The following DOC2A variants were observed in gnomAD, a reference collection of about 807,000 sequenced individuals.
DOC2A encodes the protein double C2-like domain-containing protein alpha.
In DOC2A, 28 loss-of-function variants were observed where a neutral mutation model predicts 40.6. That is an observed-to-expected ratio of 0.69 (90% CI 0.51 to 0.95). DOC2A has a LOEUF of 0.95. Among genes scored for constraint, DOC2A ranks in the 40% least tolerant of loss-of-function variants. The probability of loss-of-function intolerance (pLI) is 0.00; values close to 1 mark genes in which losing one functional copy is unlikely to be tolerated. For synonymous variants in DOC2A, 241 were observed against 236.9 expected (o/e 1.02, Z -0.16); for missense variants, 474 against 552.5 (o/e 0.86, Z 1.42).
In DOC2A at chr16:30,009,390, A is replaced by C; in HGVS notation, c.342+88T>G. On this transcript the variant is annotated intron_variant, in intron 3 of 10. Coordinates refer to ENST00000350119, the MANE Select transcript of DOC2A (RefSeq NM_003586.3). The surrounding 1 kb of genome is among the most constrained non-coding windows in gnomAD (Gnocchi z 4.1). ...GGAGGGGGCAAGGGCAGGACGAAGG[A>C]GCAGGCCTGGGAAGGGAAGGAGGAA... The C allele has an allele frequency of 5.4e-6, 8 of 1,479,172 alleles. No individual in the cohort carries two copies. Among genetic ancestry groups the C allele is most frequent in the Admixed American group, 2.0e-5 (1 of 50,902 alleles). The allele number at this position is 1,479,172 out of a possible 1,614,324, so 91.6% of individuals were successfully genotyped here.
At chr16:30,012,165 G>C (rs1372226466), upstream of DOC2A, 1 of 152,356 alleles carries the variant, frequency 6.6e-6, no homozygotes, top group Non-Finnish European at 1.5e-5. Context: ...CACCTAGACG[G>C]CTCAGGCCTA....
At position 30,009,820 on chromosome 16, in the gene DOC2A, G is replaced by C; in HGVS notation, c.262+141C>G. 9.8e-7 allele frequency: 1 copy of C among 1,023,148 alleles called. No individual in the cohort carries two copies. The highest frequency in any genetic ancestry group is 1.5e-6 in the Non-Finnish European group (1 of 669,582). The allele number at this position is 1,023,148 out of a possible 1,614,324, so 63.4% of individuals were successfully genotyped here. The stretch of plus-strand genomic sequence containing the variant: ...TAATCTCCACGCTGACTGCAGCTGT[G>C]GTGGCCGTCCCTGCCACCCCCCCAC... On this transcript the variant is annotated intron_variant, in intron 2 of 10. Transcript: ENST00000350119. This position sits in a 1 kb window ranked among gnomAD's most constrained non-coding sequence, Gnocchi z 4.1.
chr16:30,014,588 T>C (rs1438279763), upstream of DOC2A, among the ~76,000 whole-genome samples: 5 of 150,802 alleles, frequency 3.3e-5, no homozygotes, highest in African/African-American at 1.2e-4. Context: ...TGAGCCGAGA[T>C]TGCGCCACTG....
At chr16:30,023,148 T>G (rs4788212), upstream of DOC2A, 221,500 of 488,024 alleles carry the variant, frequency 0.45, 50,536 homozygotes, top group African/African-American at 0.48. Flanking sequence ...GCTGCCACCA[T>G]TATGGTTTTA....
upstream of DOC2A, among the ~76,000 whole-genome samples, chr16:30,016,373 G>A (rs12444108): frequency 0.39 from 58,676 of 151,858 alleles, 11,382 homozygotes; most frequent in South Asian, 0.43. Context: ...AAAGGCAACC[G>A]TTAGGTTTCC....
chr16:30,011,861 C>G (rs1454878023), upstream of DOC2A: 1 of 152,502 alleles, frequency 6.6e-6, no homozygotes, highest in Admixed American at 6.5e-5. Context: ...CCACCCTCCC[C>G]CCTGCCATCC....
At chr16:30,018,789 C>G (rs1259658454) in intron 1 of DOC2A, 1 of 152,168 alleles carries the variant, frequency 6.6e-6, no homozygotes, top group Non-Finnish European at 1.5e-5. Context: ...ATGAGATCAC[C>G]TAGGCAGAGA....
Position 30,006,463 on chromosome 16 carries a change from AG to A in DOC2A, c.1006del (p.Leu336TrpfsTer51). On this transcript the variant is annotated frameshift_variant, in exon 10 of 11. Coordinates refer to ENST00000350119, the MANE Select transcript of DOC2A (RefSeq NM_003586.3). LOFTEE classifies it high-confidence loss of function. This position sits in a 1 kb window ranked among gnomAD's most constrained non-coding sequence, Gnocchi z 6.2. ...GTCATAGTCCCAGACGGTGACTTCC[AG>A]GGTCTTGGTGGCCAGAGTGGAGAGC... ...IELSTLATKT[L>X]EVTVWDYDIG... The A allele has an allele frequency of 6.2e-7, 1 of 1,613,426 alleles. No individual in the cohort carries two copies. Among genetic ancestry groups the A allele is most frequent in the Non-Finnish European group, 8.5e-7 (1 of 1,179,836 alleles).
upstream of DOC2A, among the ~76,000 whole-genome samples, chr16:30,013,775 T>G (rs1372317208): frequency 6.6e-6 from 1 of 151,060 alleles, no homozygotes; most frequent in Non-Finnish European, 1.5e-5. Flanking sequence ...AGTGCAATGG[T>G]GCGATCTTGG....
Position 30,007,289 on chromosome 16 carries a change from AG to A in DOC2A, c.537del (p.Cys180ValfsTer6), listed in dbSNP as rs1280200672. On this transcript the variant is annotated frameshift_variant, in exon 6 of 11. Transcript: ENST00000350119. LOFTEE classifies it high-confidence loss of function. Reference sequence around the variant, plus strand: ...TTGTGACTCAGCTTGTCCTCATCACAGACGGCGATCCTGGTCGGGAACTGCA... The same window carrying A: ...TTGTGACTCAGCTTGTCCTCATCACAACGGCGATCCTGGTCGGGAACTGCA... ...DITHKVLRIA[V>X]CDEDKLSHNE... 1 of 1,613,776 alleles carries A rather than the reference AG, an allele frequency of 6.2e-7. No individual in the cohort carries two copies.
upstream of DOC2A, among the ~76,000 whole-genome samples, chr16:30,022,387 C>A (rs1218415846): frequency 6.6e-6 from 1 of 150,660 alleles, no homozygotes; most frequent in African/African-American, 2.4e-5. Context: ...ATAAATGCTA[C>A]CTGCTGGGCA....
chr16:30,006,696 G>C lies in DOC2A; in HGVS notation c.879-19C>G. ...CAGGTACCTGGGGGTGGGGTGGAGG[G>C]AGACGAACTGAGGGGTGAGGGACAG... On this transcript the variant is annotated intron_variant, in intron 8 of 10. Transcript: ENST00000350119. This position sits in a 1 kb window ranked among gnomAD's most constrained non-coding sequence, Gnocchi z 6.2. 6.2e-7 allele frequency: 1 copy of C among 1,613,728 alleles called. No homozygotes were observed. The highest frequency in any genetic ancestry group is 2.2e-5 in the East Asian group (1 of 44,814).
intron 1 of DOC2A, among the ~76,000 whole-genome samples, chr16:30,019,823 C>T (rs529613402): frequency 6.6e-6 from 1 of 152,276 alleles, no homozygotes; most frequent in Non-Finnish European, 1.5e-5. Context: ...CAACCTCCAC[C>T]TACCGGGCTC....
At chr16:30,011,216 C>T (rs2150958657), upstream of DOC2A, 4 of 718,646 alleles carry the variant, frequency 5.6e-6, no homozygotes, top group Non-Finnish European at 6.8e-6. Flanking sequence ...GCACGCGGAC[C>T]GGCACACACT....
At chr16:30,015,130 A>T (rs1034208238), upstream of DOC2A, 3 of 152,048 alleles carry the variant, frequency 2.0e-5, no homozygotes, top group Non-Finnish European at 4.4e-5. Flanking sequence ...ATAATAATAA[A>T]AAAATAATAA....
At position 30,005,743 on chromosome 16, in the gene DOC2A, G is replaced by T; in HGVS notation, c.*443C>A. 1 of 500,804 alleles carries T rather than the reference G, an allele frequency of 2.0e-6. No homozygotes were observed. The highest frequency in any genetic ancestry group is 2.5e-5 in the South Asian group (1 of 39,814). The allele number at this position is 500,804 out of a possible 1,614,324, so 31.0% of individuals were successfully genotyped here. ...ACCTCTTTAAAAGGGCAGCTGTACA[G>T]GGCTAGGTTTTTTCAATGAAGTTTC... On this transcript the variant is annotated 3_prime_UTR_variant, in exon 11 of 11. Transcript: ENST00000350119.
At chr16:30,007,523 A>G in intron 5 of DOC2A, 1 of 613,040 alleles carries the variant, frequency 1.6e-6, no homozygotes. Flanking sequence ...CATTGTGGGA[A>G]GCCCTCAGAA....
At chr16:30,015,724 A>C (rs1596714119), upstream of DOC2A, among the ~76,000 whole-genome samples, 1 of 119,426 alleles carries the variant, frequency 8.4e-6, no homozygotes, top group Non-Finnish European at 1.6e-5. Context: ...TTTTTGAGAC[A>C]GGGTCTCACT....
chr16:30,022,833 A>G (rs923567038), upstream of DOC2A, among the ~76,000 whole-genome samples: 3 of 152,082 alleles, frequency 2.0e-5, no homozygotes, highest in East Asian at 5.8e-4. Context: ...GATTTATCCA[A>G]AGCTGTAATC....
Sources: allele counts gnomAD v4.1 joint callset (sites outside exome capture counted in the v4.1 genomes callset), GRCh38; gene constraint gnomAD v4.1.1; non-coding constraint Gnocchi (gnomAD v3.1); transcripts MANE v1.5; gene names NCBI Gene and HGNC (gene_info 2026-07-23, HGNC 2026-07-21).